Variants in IL1RL1 observed in about 807,000 individuals in gnomAD.
IL1RL1 encodes interleukin 1 receptor like 1, also known as interleukin-1 receptor-like 1.
In IL1RL1, 32 loss-of-function variants were observed where a neutral mutation model predicts 50.9. The ratio of observed to expected loss-of-function variants is 0.63; its 90% confidence interval spans 0.47 to 0.84. The LOEUF (loss-of-function observed/expected upper bound fraction) is 0.84. Among genes scored for constraint, IL1RL1 ranks in the 40% least tolerant of loss-of-function variants. IL1RL1 has a pLI of 0.00. For synonymous variants in IL1RL1, 275 were observed against 236.0 expected (o/e 1.17, Z -1.51); for missense variants, 773 against 662.9 (o/e 1.17, Z -1.82).
intron 6 of IL1RL1, 36 bp downstream of exon 6, chr2:102,342,330 T>A (rs1309452384): frequency 2.1e-6 from 3 of 1,446,216 alleles, no homozygotes; most frequent in Non-Finnish European, 2.9e-6. Context: ...AAATATTGCC[T>A]GGAAAAATCC....
chr2:102,313,807 G>C (rs1220801605), intron 1 of IL1RL1, among the ~76,000 whole-genome samples: 1 of 152,180 alleles, frequency 6.6e-6, no homozygotes, highest in Non-Finnish European at 1.5e-5. Flanking sequence ...CATTGTGGGA[G>C]CATGCATGTG....
intron 1 of IL1RL1, chr2:102,337,478 T>C (rs1243790358): frequency 1.3e-5 from 2 of 152,214 alleles, no homozygotes; most frequent in Non-Finnish European, 2.9e-5. Context: ...AGAAAGTAAA[T>C]GATTATTTTT....
chr2:102,314,602 G>A (rs1177397909), intron 1 of IL1RL1, among the ~76,000 whole-genome samples: 4 of 151,918 alleles, frequency 2.6e-5, no homozygotes, highest in Non-Finnish European at 5.9e-5. Context: ...ACTTTAGTGT[G>A]GATATCAGTG....
At chr2:102,333,292 G>A (rs1032371733) in intron 1 of IL1RL1, among the ~76,000 whole-genome samples, 10 of 152,202 alleles carry the variant, frequency 6.6e-5, no homozygotes, top group Admixed American at 5.2e-4. Context: ...TGGTGGCATT[G>A]AGAATGGAGA....
intron 8 of IL1RL1, chr2:102,345,851 G>A: frequency 1.0e-6 from 1 of 985,398 alleles, no homozygotes; most frequent in Non-Finnish European, 1.2e-6. Flanking sequence ...GTGGTGGTGG[G>A]CCCAGTAGAC....
At chr2:102,317,120 C>T (rs1377960548) in intron 1 of IL1RL1, among the ~76,000 whole-genome samples, 1 of 152,022 alleles carries the variant, frequency 6.6e-6, no homozygotes, top group Non-Finnish European at 1.5e-5. Context: ...TTTGGGAGGC[C>T]GAGGCAGGTG....
rs543613766 is a variant in IL1RL1 at position 102,345,095 on chromosome 2, G to A, written c.970+1680G>A. On this transcript the variant is annotated intron_variant, in intron 8 of 10. Transcript: ENST00000233954. ...CCTTCCTGGGTGCAGGCAAGAAGGG[G>A]ATATGTTTTCTACAGAGTTTTCAAA... 1.5e-4 allele frequency: 134 copies of A among 870,266 alleles called. No individual in the cohort carries two copies. In the African/African-American group the frequency reaches 2.3e-3, roughly 15 times the overall value. 53.9% of individuals were successfully genotyped at this position (870,266 alleles called of 1,614,324 possible). A position where few individuals can be genotyped will look rare whatever the true frequency, so the allele number is the denominator to read the frequency against.
In IL1RL1 at chr2:102,338,821, T is replaced by C; in HGVS notation, c.62-16T>C. ...TTTGATCATTTCAGGATTGTCTTTA[T>C]ATCTTTTATTTGCAGGTAAACAATC... On this transcript the variant is annotated splice_polypyrimidine_tract_variant and intron_variant, in intron 2 of 10. Transcript: ENST00000233954. 1 of 1,559,306 alleles carries C rather than the reference T, an allele frequency of 6.4e-7. No homozygotes were observed. Among genetic ancestry groups the C allele is most frequent in the East Asian group, 2.2e-5 (1 of 44,650 alleles).
At chr2:102,322,408 G>A (rs776755601) in intron 1 of IL1RL1, among the ~76,000 whole-genome samples, 3 of 152,144 alleles carry the variant, frequency 2.0e-5, no homozygotes, top group East Asian at 1.9e-4. Flanking sequence ...AAAAATGATC[G>A]AAACCAGAAT....
intron 1 of IL1RL1, among the ~76,000 whole-genome samples, chr2:102,330,931 C>T (rs1184632419): frequency 6.6e-6 from 1 of 152,044 alleles, no homozygotes; most frequent in Non-Finnish European, 1.5e-5. Flanking sequence ...TTTCATTTTT[C>T]TGTATAATAT....
In IL1RL1 at chr2:102,338,149, T is replaced by TG; in HGVS notation, c.-115dup. 3.2e-6 allele frequency: 2 copies of TG among 615,440 alleles called. No homozygotes were observed. 38.1% of individuals were successfully genotyped at this position (615,440 alleles called of 1,614,324 possible). On this transcript the variant is annotated 5_prime_UTR_variant, in exon 2 of 11. The change abolishes the stop of an existing upstream ORF in the 5' untranslated region. Coordinates refer to ENST00000233954, the MANE Select transcript of IL1RL1 (RefSeq NM_016232.5). ...TAGGCTACTCTTCCCAACTCAGTCT[T>TG]GAAGAGTATCACCAACTGCCTCATG...
At chr2:102,344,489 C>A (rs1677708759) in intron 8 of IL1RL1, 1 of 380,054 alleles carries the variant, frequency 2.6e-6, no homozygotes, top group Non-Finnish European at 3.6e-6. Context: ...CCTTTCTTGG[C>A]CCTCAGTTTG....
At chr2:102,324,013 C>CTTT (rs33934744) in intron 1 of IL1RL1, among the ~76,000 whole-genome samples, 23,614 of 138,042 alleles carry the variant, frequency 0.17, 2,465 homozygotes, top group African/African-American at 0.25. Flanking sequence ...ATCAGTAGTT[C>CTTT]TTTTTTTTTT....
chr2:102,346,784 A>T (rs1424551705), intron 8 of IL1RL1, among the ~76,000 whole-genome samples: 1 of 152,192 alleles, frequency 6.6e-6, no homozygotes, highest in South Asian at 2.1e-4. Flanking sequence ...TCATTGAGAG[A>T]ACTGATAAAC....
rs1220211732 is a variant in IL1RL1 at position 102,343,193 on chromosome 2, A to G, written c.824+16A>G. ...AAAATCAAAGGTATTTTTATATTGAAGAGAACCATCCTCTTCCCCTTGCAC... is the reference window on the plus strand; with the variant it reads ...AAAATCAAAGGTATTTTTATATTGAGGAGAACCATCCTCTTCCCCTTGCAC... On this transcript the variant is annotated intron_variant, in intron 7 of 10. Transcript: ENST00000233954. 6.2e-7 allele frequency: 1 copy of G among 1,614,140 alleles called. No homozygotes were observed. Among genetic ancestry groups the G allele is most frequent in the East Asian group, 2.2e-5 (1 of 44,884 alleles).
intron 1 of IL1RL1, among the ~76,000 whole-genome samples, chr2:102,333,240 T>C (rs1374186420): frequency 1.3e-5 from 2 of 152,138 alleles, no homozygotes; most frequent in East Asian, 3.9e-4. Flanking sequence ...TAGAAGCAGT[T>C]ATTAAAATCC....
At chr2:102,341,323 G>T in intron 5 of IL1RL1, 2 of 1,239,774 alleles carry the variant, frequency 1.6e-6, no homozygotes, top group East Asian at 6.5e-5. Context: ...TTTAATCTTT[G>T]TTTGCAATAC....
chr2:102,345,810 A>G, intron 8 of IL1RL1: 2 of 985,498 alleles, frequency 2.0e-6, no homozygotes, highest in Non-Finnish European at 2.4e-6. Flanking sequence ...TGTGGACCCC[A>G]TCAAGGTGCT....
intron 1 of IL1RL1, among the ~76,000 whole-genome samples, chr2:102,318,433 T>C (rs1480497365): frequency 6.7e-6 from 1 of 148,522 alleles, no homozygotes; most frequent in Non-Finnish European, 1.5e-5. Context: ...AAGATGAGAA[T>C]GATGGTTGGA....
Sources: gnomAD v4.1 joint callset for allele counts (sites outside exome capture counted in the v4.1 genomes callset) on GRCh38, gnomAD v4.1.1 for gene constraint, MANE v1.5 for transcripts, NCBI Gene and HGNC (gene_info 2026-07-23, HGNC 2026-07-21) for gene names.